The following RBM39 variants were observed in gnomAD, a reference collection of about 807,000 sequenced individuals.
RBM39 encodes RNA-binding protein 39.
Under a neutral mutation model 79.6 loss-of-function variants are expected in RBM39, and 12 were observed. That is an observed-to-expected ratio of 0.15 (90% confidence interval 0.10 to 0.24). The LOEUF (loss-of-function observed/expected upper bound fraction) is 0.24. Ranked by LOEUF, RBM39 falls within the 10% of genes least tolerant of loss-of-function variation. The pLI is 1.00. For missense variants in RBM39, 243 were observed against 653.4 expected, an observed-to-expected ratio of 0.37 and a Z score of 6.85; for synonymous variants, 185 against 208.4, an observed-to-expected ratio of 0.89 and a Z score of 0.97.
rs200051555 is a variant in RBM39 at position 35,735,059 on chromosome 20, C to A, written c.102-2924G>T. The A allele has an allele frequency of 4.5e-3, 7,012 of 1,569,252 alleles. 26 individuals carry two copies. The highest frequency in any genetic ancestry group is 5.7e-3 in the Non-Finnish European group (6,632 of 1,167,790). Reference sequence around the variant, plus strand: ...TTTGACCTCTTCCATGTAAGAAGATCTAAATTTTTAATGCAAAGTATTCTG... The same window carrying A: ...TTTGACCTCTTCCATGTAAGAAGATATAAATTTTTAATGCAAAGTATTCTG... On this transcript the variant is annotated intron_variant, in intron 3 of 16. Transcript: ENST00000253363.
Position 35,725,415 on chromosome 20 carries a change from G to C in RBM39, c.417-260C>G, listed in dbSNP as rs1032998264. Among the ~76,000 whole-genome samples the C allele has an allele frequency of 2.0e-5, 3 of 152,018 alleles. No homozygotes were observed. The East Asian group carries it at 5.8e-4, about 29-fold the overall frequency. ...AGGTCTTGCTATGCTGCACAAGTTGGTCTTGAACTACTGATCTCAAGCAAT... is the reference window on the plus strand; with the variant it reads ...AGGTCTTGCTATGCTGCACAAGTTGCTCTTGAACTACTGATCTCAAGCAAT... On this transcript the variant is annotated intron_variant, in intron 6 of 16. Coordinates refer to ENST00000253363, the MANE Select transcript of RBM39 (RefSeq NM_184234.3).
In RBM39 at chr20:35,705,206, T is replaced by TA. The variant is rs763229381; in HGVS notation, c.1413+18dup. 25 of 1,411,526 alleles carry TA rather than the reference T, an allele frequency of 1.8e-5. No individual in the cohort carries two copies. Among genetic ancestry groups the TA allele is most frequent in the African/African-American group, 1.6e-4 (11 of 68,476 alleles). 87.4% of individuals were successfully genotyped at this position (1,411,526 alleles called of 1,614,324 possible). On this transcript the variant is annotated intron_variant, in intron 15 of 16. Coordinates refer to ENST00000253363, the MANE Select transcript of RBM39 (RefSeq NM_184234.3). ...GAGACGAACAACCTAACATCATTTA[T>TA]AAAAAAAGATGAAAATACCTGAGCT...
At chr20:35,715,129 A>C (rs971744976) in intron 10 of RBM39, among the ~76,000 whole-genome samples, 1 of 152,166 alleles carries the variant, frequency 6.6e-6, no homozygotes, top group African/African-American at 2.4e-5. Context: ...CCTGATAGAG[A>C]TATACAGTGT....
At chr20:35,724,933 T>C in intron 7 of RBM39, 105 bp downstream of exon 7, 1 of 1,025,368 alleles carries the variant, frequency 9.8e-7, no homozygotes, top group Non-Finnish European at 1.5e-6. Context: ...ATGGAAACAT[T>C]ACCACAAACA....
chr20:35,736,699 G>T (rs957592028), intron 3 of RBM39: 4 of 412,180 alleles, frequency 9.7e-6, no homozygotes, highest in Admixed American at 3.0e-5. Context: ...TCTCCAGGCT[G>T]GAGTACAATG....
chr20:35,706,864 C>T (rs921504583), intron 14 of RBM39, among the ~76,000 whole-genome samples: 1 of 151,672 alleles, frequency 6.6e-6, no homozygotes, highest in African/African-American at 2.4e-5. Flanking sequence ...CCCATCTCTA[C>T]TAAAACTACA....
At chr20:35,733,879 C>T (rs2146704530) in intron 3 of RBM39, among the ~76,000 whole-genome samples, 1 of 152,244 alleles carries the variant, frequency 6.6e-6, no homozygotes, top group South Asian at 2.1e-4. Context: ...CACAGTATAC[C>T]ACCCATTCAT....
At position 35,703,408 on chromosome 20, in the gene RBM39, TCA is replaced by T. The variant is rs1374572289; in HGVS notation, c.*1071_*1072del. ...TTTCCTTTTCTTTTTGGTAAACCCC[TCA>T]GTTTTGATACATTCTTCTAAAATAC... is the stretch of plus-strand genomic sequence containing the variant. On this transcript the variant is annotated 3_prime_UTR_variant, in exon 17 of 17. Transcript: ENST00000253363. 6.6e-6 allele frequency: 1 copy of T among 152,140 alleles called. No homozygotes were observed. Among genetic ancestry groups the T allele is most frequent in the Non-Finnish European group, 1.5e-5 (1 of 68,032 alleles). 9.4% of individuals were successfully genotyped at this position (152,140 alleles called of 1,614,324 possible).
chr20:35,741,031 T>TTTTTTTATTTTA (rs1555909162), intron 1 of RBM39, 144 bp from the exon 2 acceptor site: 1 of 265,808 alleles, frequency 3.8e-6, no homozygotes, highest in Admixed American at 9.9e-5. Flanking sequence ...AACATTTTTC[T>TTTTTTTATTTTA]TTTTTTTTTT....
intron 13 of RBM39, chr20:35,707,724 CAATCCTATTAAAAATA>C (rs2035915988): frequency 1.3e-5 from 3 of 239,116 alleles, no homozygotes; most frequent in East Asian, 1.5e-4. Flanking sequence ...ATCCTATTAA[CAATCCTATTAAAAATA>C]AATCCTATTA....
intron 13 of RBM39, chr20:35,708,867 G>T (rs562406967): frequency 3.6e-5 from 7 of 195,046 alleles, no homozygotes; most frequent in Middle Eastern, 2.4e-3. Flanking sequence ...CAGATTCCAG[G>T]TTCTAAAATA....
intron 6 of RBM39, 91 bp downstream of exon 6, chr20:35,729,221 A>G (rs1455348293): frequency 8.7e-7 from 1 of 1,149,514 alleles, no homozygotes; most frequent in African/African-American, 1.6e-5. Flanking sequence ...AAGATTTAAT[A>G]TGGTCCAAAT....
intron 14 of RBM39, among the ~76,000 whole-genome samples, chr20:35,706,284 A>G (rs2035720534): frequency 1.3e-5 from 2 of 152,216 alleles, no homozygotes; most frequent in African/African-American, 4.8e-5. Context: ...GTGAGCTAAG[A>G]TAGAGCCGGT....
chr20:35,709,476 C>T (rs1007699375), intron 12 of RBM39, among the ~76,000 whole-genome samples: 1 of 152,096 alleles, frequency 6.6e-6, no homozygotes, highest in Non-Finnish European at 1.5e-5. Flanking sequence ...TTACTTTTCC[C>T]TCTCTCTTCC....
intron 6 of RBM39, among the ~76,000 whole-genome samples, chr20:35,726,820 G>A (rs755987207): frequency 6.6e-6 from 1 of 151,972 alleles, no homozygotes; most frequent in Non-Finnish European, 1.5e-5. Flanking sequence ...TGTAAGATTT[G>A]TCACAAAAGC....
chr20:35,723,019 G>A (rs1383545694), intron 8 of RBM39, among the ~76,000 whole-genome samples: 4 of 151,412 alleles, frequency 2.6e-5, no homozygotes, highest in African/African-American at 9.7e-5. Context: ...ACAATCTTAA[G>A]ATGCATTCTG....
intron 8 of RBM39, among the ~76,000 whole-genome samples, chr20:35,722,520 T>C (rs547143159): frequency 6.9e-6 from 1 of 144,614 alleles, no homozygotes; most frequent in East Asian, 2.1e-4. Context: ...CTTGAACTCC[T>C]AAACTTAAGT....
intron 9 of RBM39, among the ~76,000 whole-genome samples, chr20:35,719,648 G>A (rs1304159939): frequency 6.6e-6 from 1 of 152,096 alleles, no homozygotes; most frequent in Non-Finnish European, 1.5e-5. Context: ...CTGCACTCCA[G>A]CCTAGGCGCA....
chr20:35,723,456 A>G (rs1332355849), intron 8 of RBM39, among the ~76,000 whole-genome samples: 1 of 151,970 alleles, frequency 6.6e-6, no homozygotes, highest in Non-Finnish European at 1.5e-5. Flanking sequence ...TTTCTTTTTG[A>G]GACACAGTCT....
Sources: allele counts gnomAD v4.1 joint callset (sites outside exome capture counted in the v4.1 genomes callset), GRCh38; gene constraint gnomAD v4.1.1; transcripts MANE v1.5; gene names NCBI Gene and HGNC (gene_info 2026-07-23, HGNC 2026-07-21).